The following DCDC1 variants were observed in gnomAD, a reference collection of about 807,000 sequenced individuals.
The protein encoded by DCDC1 is doublecortin domain containing 1.
A neutral mutation model predicts 178.3 loss-of-function variants in DCDC1; 200 were observed. That is an observed-to-expected ratio of 1.12 (90% CI 1.00 to 1.26). DCDC1 has a LOEUF of 1.26. DCDC1 is among the 50% of genes most tolerant of loss of function. The probability of loss-of-function intolerance (pLI) is 0.00; values close to 1 mark genes in which losing one functional copy is unlikely to be tolerated. For synonymous variants in DCDC1, 690 were observed against 604.8 expected, an observed-to-expected ratio of 1.14 and a Z score of -2.07; for missense variants, 1,983 against 1,749.2, an observed-to-expected ratio of 1.13 and a Z score of -2.38.
At chr11:31,308,766 A>G (rs1948602575) in intron 3 of DCDC1, among the ~76,000 whole-genome samples, 1 of 152,216 alleles carries the variant, frequency 6.6e-6, no homozygotes, top group Admixed American at 6.5e-5. Flanking sequence ...ATAAAATAAA[A>G]TAAGTTTTAA....
At chr11:30,908,318 G>A (rs926626164) in intron 29 of DCDC1, among the ~76,000 whole-genome samples, 1 of 152,088 alleles carries the variant, frequency 6.6e-6, no homozygotes, top group African/African-American at 2.4e-5. Flanking sequence ...ATGCCACAAA[G>A]AAGAAAGTAA....
chr11:30,889,493 C>T (rs1298636388), intron 36 of DCDC1, among the ~76,000 whole-genome samples: 2 of 152,174 alleles, frequency 1.3e-5, no homozygotes, highest in African/African-American at 4.8e-5. Flanking sequence ...AAACTCTGAG[C>T]TTCTTTGGAG....
At chr11:30,874,784 C>A (rs1012700494) in intron 38 of DCDC1, among the ~76,000 whole-genome samples, 4 of 152,152 alleles carry the variant, frequency 2.6e-5, no homozygotes, top group Admixed American at 2.6e-4. Flanking sequence ...TGAGCTAAAA[C>A]CCTAATATCA....
chr11:31,335,883 T>C (rs2133167732), intron 1 of DCDC1, among the ~76,000 whole-genome samples: 1 of 152,262 alleles, frequency 6.6e-6, no homozygotes, highest in Admixed American at 6.5e-5. Flanking sequence ...AAATTAAGAT[T>C]ATATGGCAGG....
At chr11:31,162,568 T>C (rs1966405872) in intron 9 of DCDC1, among the ~76,000 whole-genome samples, 1 of 152,144 alleles carries the variant, frequency 6.6e-6, no homozygotes, top group African/African-American at 2.4e-5. Flanking sequence ...ATCTCAAATA[T>C]ATCATATTTA....
intron 20 of DCDC1, among the ~76,000 whole-genome samples, chr11:30,981,462 G>A (rs934283389): frequency 4.6e-5 from 7 of 152,188 alleles, no homozygotes; most frequent in African/African-American, 1.7e-4. Flanking sequence ...GACTTCCAGA[G>A]TTAAATGTGA....
chr11:31,016,770 C>A (rs2135162434), intron 20 of DCDC1, among the ~76,000 whole-genome samples: 1 of 152,268 alleles, frequency 6.6e-6, no homozygotes, highest in Admixed American at 6.5e-5. Flanking sequence ...TGTGTCCCAT[C>A]CCCAGAGATT....
At chr11:30,968,448 C>G (rs1290507274) in intron 20 of DCDC1, among the ~76,000 whole-genome samples, 1 of 151,808 alleles carries the variant, frequency 6.6e-6, no homozygotes, top group South Asian at 2.1e-4. Context: ...AGGGAAAACT[C>G]TTGTTGAAAG....
intron 28 of DCDC1, 81 bp from the exon 29 acceptor site, chr11:30,909,197 A>G: frequency 7.9e-7 from 1 of 1,269,310 alleles, no homozygotes; most frequent in Non-Finnish European, 1.1e-6. Context: ...ATATATCCAG[A>G]AAGTGCAGAT....
intron 17 of DCDC1, among the ~76,000 whole-genome samples, chr11:31,085,899 T>C (rs1184935620): frequency 6.6e-6 from 1 of 152,028 alleles, no homozygotes; most frequent in Non-Finnish European, 1.5e-5. Context: ...GTTAAAAATT[T>C]TTAATTTTTG....
chr11:31,071,934 G>C (rs1457073453), intron 18 of DCDC1, among the ~76,000 whole-genome samples: 1 of 152,170 alleles, frequency 6.6e-6, no homozygotes, highest in Non-Finnish European at 1.5e-5. Flanking sequence ...AAGTAACTTT[G>C]AGTTAGAACT....
intron 9 of DCDC1, among the ~76,000 whole-genome samples, chr11:31,174,415 A>G (rs1434864635): frequency 1.3e-5 from 2 of 152,176 alleles, no homozygotes; most frequent in African/African-American, 4.8e-5. Flanking sequence ...AACCAGCACA[A>G]GATGGAGGCC....
intron 37 of DCDC1, among the ~76,000 whole-genome samples, chr11:30,879,583 GAAAT>G (rs1942459982): frequency 6.6e-6 from 1 of 152,066 alleles, no homozygotes; most frequent in African/African-American, 2.4e-5. Flanking sequence ...TCATAGGAAA[GAAAT>G]AAACTTTCAT....
chr11:30,992,090 A>T (rs1951022842), intron 20 of DCDC1, among the ~76,000 whole-genome samples: 1 of 152,226 alleles, frequency 6.6e-6, no homozygotes, highest in Admixed American at 6.5e-5. Context: ...TGTAAAATGC[A>T]CTGTCTTAAG....
intron 20 of DCDC1, among the ~76,000 whole-genome samples, chr11:31,013,015 C>A (rs1012052697): frequency 6.6e-6 from 1 of 152,064 alleles, no homozygotes; most frequent in African/African-American, 2.4e-5. Context: ...CAATGTAAAG[C>A]CAATATGTCA....
At chr11:31,146,713 T>C (rs1326790900) in intron 9 of DCDC1, among the ~76,000 whole-genome samples, 5 of 152,132 alleles carry the variant, frequency 3.3e-5, no homozygotes, top group Admixed American at 6.5e-5. Flanking sequence ...AAACTTGACT[T>C]CCTGTGTTAT....
chr11:30,916,742 C>A, intron 26 of DCDC1, 128 bp downstream of exon 26: 1 of 1,118,624 alleles, frequency 8.9e-7, no homozygotes, highest in Non-Finnish European at 1.2e-6. Context: ...AAACATAAGA[C>A]AAAAATGTGC....
intron 6 of DCDC1, among the ~76,000 whole-genome samples, chr11:31,304,439 T>C (rs1281126022): frequency 6.6e-6 from 1 of 152,140 alleles, no homozygotes. Flanking sequence ...TATTTTAAAC[T>C]TAAAGCAAAA....
chr11:30,878,564 TC>T lies in DCDC1; in HGVS notation c.*19del. 1.3e-6 allele frequency: 2 copies of T among 1,576,414 alleles called. No individual in the cohort carries two copies. Among genetic ancestry groups the T allele is most frequent in the Non-Finnish European group, 1.7e-6 (2 of 1,166,660 alleles). On this transcript the variant is annotated 3_prime_UTR_variant, in exon 38 of 39. Coordinates refer to ENST00000684477, the MANE Select transcript of DCDC1 (RefSeq NM_001387274.1). Reference sequence around the variant, plus strand: ...TATACCAGAAAAATACAGCAGAAAATCCGATGGTTCTGATAGGAGTTAATTG... The same window carrying T: ...TATACCAGAAAAATACAGCAGAAAATCGATGGTTCTGATAGGAGTTAATTG...
Sources: allele counts gnomAD v4.1 joint callset (sites outside exome capture counted in the v4.1 genomes callset), GRCh38; gene constraint gnomAD v4.1.1; transcripts MANE v1.5; gene names NCBI Gene and HGNC (gene_info 2026-07-23, HGNC 2026-07-21).